ZNF329: variants seen among roughly 807,000 people sequenced by gnomAD.
ZNF329 encodes zinc finger protein 329.
ZNF329 carries 15 observed loss-of-function variants against 26.6 expected under a neutral mutation model. The ratio of observed to expected loss-of-function variants is 0.56; its 90% confidence interval spans 0.38 to 0.87. The LOEUF is 0.87. Among genes scored for constraint, ZNF329 ranks in the 40% least tolerant of loss-of-function variants. The pLI, the probability that ZNF329 is intolerant of heterozygous loss-of-function variation, is 0.00. For synonymous variants in ZNF329, 239 were observed against 233.5 expected, an observed-to-expected ratio of 1.02 and a Z score of -0.21; for missense variants, 651 against 651.9, an observed-to-expected ratio of 1.00 and a Z score of 0.02.
At chr19:58,140,657 C>T (rs527557374) in intron 3 of ZNF329, among the ~76,000 whole-genome samples, 11 of 151,520 alleles carry the variant, frequency 7.3e-5, no homozygotes, top group African/African-American at 1.5e-4. Context: ...CCTCGTGATC[C>T]GCCCACCCCG....
At chr19:58,131,466 A>G (rs1438927151) in intron 3 of ZNF329, among the ~76,000 whole-genome samples, 1 of 152,206 alleles carries the variant, frequency 6.6e-6, no homozygotes, top group Non-Finnish European at 1.5e-5. Context: ...AAGAAGTCTG[A>G]TATCAGCATT....
chr19:58,153,922 C>G (rs185922862), upstream of ZNF329, among the ~76,000 whole-genome samples: 2 of 152,178 alleles, frequency 1.3e-5, no homozygotes, highest in East Asian at 3.9e-4. Flanking sequence ...AGGCTGCTCT[C>G]AAACTCCAGG....
intron 3 of ZNF329, among the ~76,000 whole-genome samples, chr19:58,141,358 G>A (rs36098050): frequency 0.12 from 18,010 of 151,808 alleles, 1,349 homozygotes; most frequent in Middle Eastern, 0.23. Flanking sequence ...AAGTGCAGTG[G>A]AGCGATCTCA....
chr19:58,129,613 C>A (rs1452531800), intron 3 of ZNF329, 102 bp from the exon 4 acceptor site: 22 of 1,053,410 alleles, frequency 2.1e-5, no homozygotes, highest in Middle Eastern at 2.2e-4. Context: ...TATTTTTTTA[C>A]TTGTTTTCTC....
In ZNF329 at chr19:58,126,451, GC is replaced by G. The variant is rs1283062434; in HGVS notation, c.*1426del. 2.0e-5 allele frequency: 3 copies of G among 151,954 alleles called. No homozygotes were observed. The highest frequency in any genetic ancestry group is 4.4e-5 in the Non-Finnish European group (3 of 67,984). The allele number at this position is 151,954 out of a possible 1,614,324, so 9.4% of individuals were successfully genotyped here. A position where few individuals can be genotyped will look rare whatever the true frequency, so the allele number is the denominator to read the frequency against. ...AATCTTCTATTTGATGCCCCTTTTT[GC>G]CATATTATAAACATTTTCAACATGG... On this transcript the variant is annotated 3_prime_UTR_variant, in exon 4 of 4. Coordinates refer to ENST00000598312, the MANE Select transcript of ZNF329 (RefSeq NM_024620.4).
intron 1 of ZNF329, among the ~76,000 whole-genome samples, chr19:58,146,860 G>T (rs2075322275): frequency 6.6e-6 from 1 of 151,790 alleles, no homozygotes; most frequent in South Asian, 2.1e-4. Flanking sequence ...GTGCTCAATG[G>T]TGCCCAGGCT....
intron 3 of ZNF329, among the ~76,000 whole-genome samples, chr19:58,131,180 A>G (rs757052317): frequency 1.1e-4 from 17 of 152,078 alleles, no homozygotes; most frequent in Non-Finnish European, 2.4e-4. Flanking sequence ...AGGCTGCAAC[A>G]TAAAGTCAAA....
intron 1 of ZNF329, among the ~76,000 whole-genome samples, chr19:58,143,996 G>A (rs1019184179): frequency 1.3e-5 from 2 of 151,598 alleles, no homozygotes; most frequent in African/African-American, 4.8e-5. Flanking sequence ...GAGAAGAATT[G>A]CTGGAACCCG....
chr19:58,140,272 A>G (rs1245418599), intron 3 of ZNF329, among the ~76,000 whole-genome samples: 2 of 152,222 alleles, frequency 1.3e-5, no homozygotes, highest in Admixed American at 1.3e-4. Flanking sequence ...GGGCTTTAGA[A>G]TTTAAAGAAT....
intron 3 of ZNF329, among the ~76,000 whole-genome samples, chr19:58,131,274 G>C (rs998033070): frequency 6.6e-6 from 1 of 152,058 alleles, no homozygotes; most frequent in African/African-American, 2.4e-5. Flanking sequence ...GCCAAGCATT[G>C]GGGGTCATGC....
chr19:58,139,832 C>T (rs896650766), intron 3 of ZNF329, among the ~76,000 whole-genome samples: 2 of 152,112 alleles, frequency 1.3e-5, no homozygotes, highest in African/African-American at 4.8e-5. Context: ...AGTGAGATGC[C>T]ACTTTACACT....
intron 3 of ZNF329, among the ~76,000 whole-genome samples, chr19:58,141,974 T>C (rs796624270): frequency 4.6e-5 from 7 of 151,928 alleles, no homozygotes; most frequent in Admixed American, 6.6e-5. Context: ...GGCAGGAGAA[T>C]TGCTTGAACC....
In ZNF329 at chr19:58,128,781, G is replaced by A. The variant is rs1199038558; in HGVS notation, c.723C>T (p.Ser241=). The change falls in exon 4 of 4, where the codon TCC becomes TCT. Residue 241 remains serine, a synonymous_variant. Coordinates refer to ENST00000598312, the MANE Select transcript of ZNF329 (RefSeq NM_024620.4). The part of the protein sequence containing the change: ...YTCNECGKSF[S]KNYNLIVHQR... ...GATGCACAATCAGGTTGTAGTTCTTGGAGAAGGACTTTCCACACTCATTAC... is the reference window on the plus strand; with the variant it reads ...GATGCACAATCAGGTTGTAGTTCTTAGAGAAGGACTTTCCACACTCATTAC... 6.3e-7 allele frequency: 1 copy of A among 1,599,936 alleles called. No individual in the cohort carries two copies. Among genetic ancestry groups the A allele is most frequent in the Non-Finnish European group, 8.5e-7 (1 of 1,173,626 alleles).
upstream of ZNF329, among the ~76,000 whole-genome samples, chr19:58,151,383 C>T (rs2075449346): frequency 6.6e-6 from 1 of 152,048 alleles, no homozygotes; most frequent in South Asian, 2.1e-4. Context: ...CTGGGCTCAC[C>T]TAAGGTCAGG....
rs1327118288 is a variant in ZNF329, at chr19:58,129,382, T to C, written c.122A>G (p.Glu41Gly). 1 of 1,614,232 alleles carries C rather than the reference T, an allele frequency of 6.2e-7. No homozygotes were observed. Among genetic ancestry groups the C allele is most frequent in the African/African-American group, 1.3e-5 (1 of 75,056 alleles). The stretch of plus-strand genomic sequence containing the variant: ...TTGCCTCAAGTGTCCCTCCTGGTTC[T>C]CACAGTCCCAACCATCACCTAAACT... ...LSSLGDGWDCENQEGHLRQSA... is the reference protein window; with the variant it reads ...LSSLGDGWDCGNQEGHLRQSA... The change falls in exon 4 of 4, where the codon GAG becomes GGG. Residue 41 changes from glutamate (E) to glycine (G), a missense_variant. Physicochemically the swap from Glu to Gly is moderately conservative, Grantham distance 98. Coordinates refer to ENST00000598312, the MANE Select transcript of ZNF329 (RefSeq NM_024620.4).
upstream of ZNF329, among the ~76,000 whole-genome samples, chr19:58,152,855 CA>C (rs937543947): frequency 1.4e-3 from 207 of 144,894 alleles, 1 homozygote; most frequent in Non-Finnish European, 2.1e-3. Flanking sequence ...ACTCTCGTCT[CA>C]AAAAAAAAAG....
chr19:58,148,176 A>AGG (rs2075368753), intron 1 of ZNF329, among the ~76,000 whole-genome samples: 1 of 151,774 alleles, frequency 6.6e-6, no homozygotes, highest in South Asian at 2.1e-4. Context: ...GCTTTGTTAA[A>AGG]CAGATGCTTG....
Position 58,127,609 on chromosome 19 carries a change from T to C in ZNF329, c.*269A>G, listed in dbSNP as rs1422915432. 6 of 370,788 alleles carry C rather than the reference T, an allele frequency of 1.6e-5. No individual in the cohort carries two copies. The highest frequency in any genetic ancestry group is 9.9e-5 in the South Asian group (1 of 10,104). 23.0% of individuals were successfully genotyped at this position (370,788 alleles called of 1,614,324 possible). On this transcript the variant is annotated 3_prime_UTR_variant, in exon 4 of 4. Transcript: ENST00000598312. The stretch of plus-strand genomic sequence containing the variant: ...GGTTCTCTCTGTGGTGTCACCCCCA[T>C]GTTTGCACATTTCATTCCAGTGTGT...
chr19:58,152,372 T>TA (rs1426994872), upstream of ZNF329, among the ~76,000 whole-genome samples: 1 of 144,280 alleles, frequency 6.9e-6, no homozygotes, highest in Non-Finnish European at 1.5e-5. Context: ...TCTAAAAATA[T>TA]AAAAATTGGC....
Sources: gnomAD v4.1 joint callset for allele counts (sites outside exome capture counted in the v4.1 genomes callset) on GRCh38, gnomAD v4.1.1 for gene constraint, MANE v1.5 for transcripts, NCBI Gene and HGNC (gene_info 2026-07-23, HGNC 2026-07-21) for gene names.